Variants in RBBP8 observed in about 807,000 individuals in gnomAD.
RBBP8 encodes the protein RB binding protein 8, endonuclease.
Under a neutral mutation model 108.3 loss-of-function variants are expected in RBBP8, and 88 were observed. The observed-to-expected ratio is 0.81, with a 90% confidence interval of 0.68 to 0.97. RBBP8 has a LOEUF of 0.97. Ranked by LOEUF, RBBP8 falls within the 50% of genes least tolerant of loss-of-function variation. The probability of loss-of-function intolerance (pLI) is 0.00; values close to 1 mark genes in which losing one functional copy is unlikely to be tolerated. For synonymous variants in RBBP8, 332 were observed against 348.2 expected (o/e 0.95, Z 0.52); for missense variants, 1,023 against 1,049.0 (o/e 0.98, Z 0.34).
At chr18:22,916,307 G>C (rs181039439) in intron 2 of RBBP8, among the ~76,000 whole-genome samples, 96 of 152,022 alleles carry the variant, frequency 6.3e-4, no homozygotes, top group Non-Finnish European at 1.1e-3. Flanking sequence ...AAAGCACTTA[G>C]AATTATGTCA....
chr18:22,933,918 A>T (rs1007574840), intron 1 of RBBP8: 2 of 152,332 alleles, frequency 1.3e-5, no homozygotes, highest in African/African-American at 4.8e-5. Context: ...AAATGGATGG[A>T]GAAGGGACCT....
chr18:22,990,257 T>C (rs1915589126), intron 9 of RBBP8, among the ~76,000 whole-genome samples: 1 of 152,320 alleles, frequency 6.6e-6, no homozygotes, highest in Middle Eastern at 3.4e-3. Flanking sequence ...TTTTGAAGTT[T>C]GGTAGAGATG....
Position 22,982,012 on chromosome 18 carries a change from A to G in RBBP8, c.429-206A>G, listed in dbSNP as rs1299039456. 2.0e-5 allele frequency among the ~76,000 whole-genome samples: 3 copies of G among 152,158 alleles called. No individual in the cohort carries two copies. The East Asian group carries it at 5.8e-4, about 29-fold the overall frequency. On this transcript the variant is annotated intron_variant, in intron 6 of 18. Coordinates refer to ENST00000327155, the MANE Select transcript of RBBP8 (RefSeq NM_002894.3). ...AATTTCACCTGAAGTGCTATTGACT[A>G]TACTTTCTACTTCACTTCTCACATA...
In RBBP8 at chr18:23,026,459, G is replaced by A; in HGVS notation, c.*219G>A. 1 of 487,966 alleles carries A rather than the reference G, an allele frequency of 2.0e-6. No individual in the cohort carries two copies. The highest frequency in any genetic ancestry group is 3.8e-6 in the Non-Finnish European group (1 of 265,566). 30.2% of individuals were successfully genotyped at this position (487,966 alleles called of 1,614,324 possible). A position where few individuals can be genotyped will look rare whatever the true frequency, so the allele number is the denominator to read the frequency against. ...CTTAAGAGTTTTTACTTTATGTAGTGATACCTAATACAATTTTGAAAATAC... is the reference window on the plus strand; with the variant it reads ...CTTAAGAGTTTTTACTTTATGTAGTAATACCTAATACAATTTTGAAAATAC... On this transcript the variant is annotated 3_prime_UTR_variant, in exon 19 of 19. Transcript: ENST00000327155.
intron 2 of RBBP8, among the ~76,000 whole-genome samples, chr18:22,916,004 A>T (rs1909340786): frequency 6.6e-6 from 1 of 152,110 alleles, no homozygotes; most frequent in African/African-American, 2.4e-5. Context: ...TATTTTCCAT[A>T]AATTTAGTCC....
At chr18:23,006,476 A>G in intron 16 of RBBP8, 44 bp downstream of exon 16, 5 of 1,403,660 alleles carry the variant, frequency 3.6e-6, no homozygotes, top group South Asian at 1.2e-5. Context: ...CTGGAAGTAC[A>G]ATAGAGCTGT....
chr18:22,976,386 G>A (rs984151628), intron 6 of RBBP8, among the ~76,000 whole-genome samples: 20 of 152,140 alleles, frequency 1.3e-4, no homozygotes, highest in Admixed American at 2.0e-4. Context: ...AGAGAACACA[G>A]GACACAGATC....
Position 22,993,234 on chromosome 18 carries a change from T to C in RBBP8, c.1407T>C (p.Asn469=). The change falls in exon 11 of 19, where the codon AAT becomes AAC. Residue 469 remains asparagine, a synonymous_variant. Transcript: ENST00000327155. ...CCCAAGCTTCTTTTGATAAAGAAAATGCTTTCCCTTTTCCAATGGATAATC... is the reference window on the plus strand; with the variant it reads ...CCCAAGCTTCTTTTGATAAAGAAAACGCTTTCCCTTTTCCAATGGATAATC... The part of the protein sequence containing the change: ...SCPQASFDKE[N]AFPFPMDNQF... 1.9e-6 allele frequency: 3 copies of C among 1,614,172 alleles called. No homozygotes were observed. The highest frequency in any genetic ancestry group is 2.5e-6 in the Non-Finnish European group (3 of 1,180,026).
chr18:22,962,840 A>T (rs915774251), intron 4 of RBBP8, among the ~76,000 whole-genome samples: 2 of 152,066 alleles, frequency 1.3e-5, no homozygotes, highest in Admixed American at 6.5e-5. Flanking sequence ...GCCTCAAGTG[A>T]TCCACGTGCC....
intron 5 of RBBP8, among the ~76,000 whole-genome samples, chr18:22,974,127 G>A (rs1051266109): frequency 6.6e-6 from 1 of 152,158 alleles, no homozygotes; most frequent in Non-Finnish European, 1.5e-5. Flanking sequence ...TTTGGTGAAA[G>A]TTGATTGTAT....
intron 6 of RBBP8, among the ~76,000 whole-genome samples, chr18:22,981,380 A>G (rs941254210): frequency 1.3e-5 from 2 of 152,140 alleles, no homozygotes; most frequent in African/African-American, 4.8e-5. Context: ...CTTGTAGACT[A>G]TGGATAACAC....
intron 2 of RBBP8, among the ~76,000 whole-genome samples, chr18:22,943,448 A>ATAT (rs777140905): frequency 4.0e-5 from 6 of 151,310 alleles, no homozygotes; most frequent in Non-Finnish European, 5.9e-5. Context: ...AATAATAATA[A>ATAT]TATTATTATT....
At chr18:23,006,200 A>G (rs187906320) in intron 15 of RBBP8, among the ~76,000 whole-genome samples, 163 bp from the exon 16 acceptor site, 2 of 152,178 alleles carry the variant, frequency 1.3e-5, no homozygotes, top group East Asian at 3.9e-4. Context: ...AAAAAAAAAA[A>G]TAGTTACAAA....
chr18:22,920,327 A>G (rs1191953254), intron 3 of RBBP8, among the ~76,000 whole-genome samples: 3 of 152,196 alleles, frequency 2.0e-5, no homozygotes, highest in South Asian at 2.1e-4. Flanking sequence ...ACAAATAGCT[A>G]ATTTGCATAA....
chr18:23,026,329 G>T lies in RBBP8; in HGVS notation c.*89G>T, dbSNP rs1280644980. On this transcript the variant is annotated 3_prime_UTR_variant, in exon 19 of 19. Coordinates refer to ENST00000327155, the MANE Select transcript of RBBP8 (RefSeq NM_002894.3). ...GTTGGTACTAAACATTGATTTTTTT[G>T]ATCTTCTGTAAATGGATTTATAAAT... 4 of 1,108,668 alleles carry T rather than the reference G, an allele frequency of 3.6e-6. No individual in the cohort carries two copies. The highest frequency in any genetic ancestry group is 1.6e-5 in the African/African-American group (1 of 64,464). The allele number at this position is 1,108,668 out of a possible 1,614,324, so 68.7% of individuals were successfully genotyped here. A position where few individuals can be genotyped will look rare whatever the true frequency, so the allele number is the denominator to read the frequency against.
chr18:22,928,610 G>A (rs905917476), upstream of RBBP8, among the ~76,000 whole-genome samples: 1 of 152,114 alleles, frequency 6.6e-6, no homozygotes, highest in Non-Finnish European at 1.5e-5. Context: ...GACTGTGCAA[G>A]GATAAGAGCT....
chr18:22,949,461 A>G (rs924043443), intron 3 of RBBP8, among the ~76,000 whole-genome samples, 157 bp from the exon 4 acceptor site: 1 of 152,240 alleles, frequency 6.6e-6, no homozygotes, highest in Admixed American at 6.5e-5. Context: ...AAATTCTGGT[A>G]TAATTTGAAC....
At chr18:23,017,634 A>C (rs1405870436) in intron 17 of RBBP8, among the ~76,000 whole-genome samples, 1 of 150,930 alleles carries the variant, frequency 6.6e-6, no homozygotes, top group East Asian at 2.0e-4. Context: ...AGCCTGGGCG[A>C]GAGAGCGAGA....
upstream of RBBP8, among the ~76,000 whole-genome samples, chr18:22,932,723 G>A (rs1460122546): frequency 6.6e-6 from 1 of 152,032 alleles, no homozygotes; most frequent in South Asian, 2.1e-4. Flanking sequence ...ACCTACTATC[G>A]GTTTGAATCT....
Sources: allele counts gnomAD v4.1 joint callset (sites outside exome capture counted in the v4.1 genomes callset), GRCh38; gene constraint gnomAD v4.1.1; transcripts MANE v1.5; gene names NCBI Gene and HGNC (gene_info 2026-07-23, HGNC 2026-07-21).